Variants in DSCAML1 observed in about 807,000 individuals in gnomAD.
The protein encoded by DSCAML1 is DS cell adhesion molecule like 1.
Under a neutral mutation model 200.5 loss-of-function variants are expected in DSCAML1, and 38 were observed. The ratio of observed to expected loss-of-function variants is 0.19; its 90% CI spans 0.15 to 0.25. The LOEUF (loss-of-function observed/expected upper bound fraction) is 0.25. Ranked by LOEUF, DSCAML1 falls within the 10% of genes least tolerant of loss-of-function variation. The probability of loss-of-function intolerance (pLI) is 1.00; values close to 1 mark genes in which losing one functional copy is unlikely to be tolerated. For synonymous variants in DSCAML1, 1,215 were observed against 1,165.0 expected, an observed-to-expected ratio of 1.04 and a Z score of -0.87; for missense variants, 2,223 against 2,858.8, an observed-to-expected ratio of 0.78 and a Z score of 5.07.
At position 117,794,148 on chromosome 11, in the gene DSCAML1, G is replaced by A. The variant is rs563454741; in HGVS notation, c.46+2886C>T. On this transcript the variant is annotated intron_variant, in intron 1 of 32. Transcript: ENST00000651296. ...GAGAGAAGAACCATGAGTCCCCATC[G>A]GAGAAGTTGGGGTGGGAAATGAAAA... is the stretch of plus-strand genomic sequence containing the variant. Among the ~76,000 whole-genome samples, 6 of 152,006 alleles carry A rather than the reference G, an allele frequency of 3.9e-5. No homozygotes were observed. The East Asian group carries it at 5.8e-4, about 15-fold the overall frequency.
chr11:117,589,770 G>A (rs1016136327), intron 3 of DSCAML1, among the ~76,000 whole-genome samples: 1 of 152,126 alleles, frequency 6.6e-6, no homozygotes, highest in African/African-American at 2.4e-5. Context: ...CATTCTGGAA[G>A]GTTTCTCAGT....
At position 117,437,207 on chromosome 11, in the gene DSCAML1, C is replaced by T. The variant is rs1426173881; in HGVS notation, c.4635G>A (p.Thr1545=). Residue 1545 remains threonine (T), a synonymous_variant, in exon 26 of 33, where the codon ACG becomes ACA. Coordinates refer to ENST00000651296, the MANE Select transcript of DSCAML1 (RefSeq NM_020693.4). This position sits in a 1 kb window ranked among gnomAD's most constrained non-coding sequence, Gnocchi z 5.3. ...EVFLTELREA[T]WYELRMRACN... The stretch of plus-strand genomic sequence containing the variant: ...AAGCCCTCATGCGCAGCTCGTACCA[C>T]GTGGCCTCTCGCAGTTCCGTCAGAA... 1.6e-5 allele frequency: 26 copies of T among 1,614,106 alleles called. No homozygotes were observed. The highest frequency in any genetic ancestry group is 2.0e-5 in the Non-Finnish European group (24 of 1,180,058).
chr11:117,599,887 T>G (rs1423485916), intron 3 of DSCAML1, among the ~76,000 whole-genome samples: 1 of 152,116 alleles, frequency 6.6e-6, no homozygotes, highest in Non-Finnish European at 1.5e-5. Context: ...ACTCCAGGAG[T>G]GCACTGGGTA....
At chr11:117,500,693 A>G (rs959583096) in intron 11 of DSCAML1, among the ~76,000 whole-genome samples, 2 of 152,220 alleles carry the variant, frequency 1.3e-5, no homozygotes, top group East Asian at 1.9e-4. Flanking sequence ...CTCAGGGAGC[A>G]CCATTAAGTG....
At position 117,691,183 on chromosome 11, in the gene DSCAML1, C is replaced by T. The variant is rs573361580; in HGVS notation, c.511+85608G>A. Among the ~76,000 whole-genome samples the T allele has an allele frequency of 3.3e-4, 50 of 152,270 alleles. No individual in the cohort carries two copies. The South Asian group carries it at 9.7e-3, about 30-fold the overall frequency. On this transcript the variant is annotated intron_variant, in intron 3 of 32. Transcript: ENST00000651296. ...CTAAAGTGACCAGTGCCAAGGATGA[C>T]GTGTTACGTGAGGAAGCAGGTGGGC...
intron 3 of DSCAML1, among the ~76,000 whole-genome samples, chr11:117,669,650 A>G (rs565511413): frequency 2.2e-4 from 33 of 152,372 alleles, no homozygotes; most frequent in African/African-American, 7.2e-4. Context: ...GAAGAAAGTG[A>G]GATGGACAAG....
At chr11:117,493,988 A>G (rs1347563105) in intron 11 of DSCAML1, among the ~76,000 whole-genome samples, 1 of 152,214 alleles carries the variant, frequency 6.6e-6, no homozygotes, top group Admixed American at 6.5e-5. Flanking sequence ...GCTAACATTT[A>G]TTGAAAGCTT....
At chr11:117,638,930 C>T (rs1264330462) in intron 3 of DSCAML1, among the ~76,000 whole-genome samples, 8 of 152,122 alleles carry the variant, frequency 5.3e-5, no homozygotes. Context: ...TCTGTTTAAC[C>T]TTTTGAGGAA....
Position 117,780,529 on chromosome 11 carries a change from C to T in DSCAML1, c.328G>A (p.Gly110Ser). Residue 110 changes from glycine (G) to serine (S), a missense_variant, in exon 2 of 33, where the codon GGC (glycine) becomes AGC (serine). Physicochemically the swap from Gly to Ser is moderately conservative, Grantham distance 56. Around this residue, in one of 7 missense-constraint regions of DSCAML1, gnomAD observed 579 missense variants for 721.5 expected, o/e 0.80. Coordinates refer to ENST00000651296, the MANE Select transcript of DSCAML1 (RefSeq NM_020693.4). The surrounding 1 kb of genome is among the most constrained non-coding windows in gnomAD (Gnocchi z 4.8). ...DYFCTAENAA[G>S]KIRSPNIRVK... The stretch of plus-strand genomic sequence containing the variant: ...CGGATGTTGGGGCTCCGGATCTTGC[C>T]GGCAGCGTTCTCCGCGGTGCAGAAG... 1.4e-6 allele frequency: 2 copies of T among 1,462,382 alleles called. No individual in the cohort carries two copies. The highest frequency in any genetic ancestry group is 9.1e-7 in the Non-Finnish European group (1 of 1,100,952). 90.6% of individuals were successfully genotyped at this position (1,462,382 alleles called of 1,614,324 possible).
At chr11:117,652,652 C>G (rs2052658511) in intron 3 of DSCAML1, among the ~76,000 whole-genome samples, 1 of 152,226 alleles carries the variant, frequency 6.6e-6, no homozygotes, top group African/African-American at 2.4e-5. Context: ...TTCAAAATGC[C>G]TCAAGATTCT....
intron 1 of DSCAML1, among the ~76,000 whole-genome samples, chr11:117,788,361 C>G (rs1434676208): frequency 1.3e-5 from 2 of 152,206 alleles, no homozygotes; most frequent in Admixed American, 6.5e-5. Flanking sequence ...GAGTCTGGCT[C>G]TGTCACCCAG....
intron 3 of DSCAML1, among the ~76,000 whole-genome samples, chr11:117,630,313 C>T (rs1055241298): frequency 5.9e-5 from 9 of 152,170 alleles, no homozygotes; most frequent in African/African-American, 1.7e-4. Context: ...GTCGAATGCA[C>T]GTCACATGCC....
At chr11:117,625,995 G>C (rs1052290901) in intron 3 of DSCAML1, among the ~76,000 whole-genome samples, 2 of 152,238 alleles carry the variant, frequency 1.3e-5, no homozygotes, top group African/African-American at 4.8e-5. Context: ...CGGTGGAGGA[G>C]GCATTTGTCT....
intron 3 of DSCAML1, among the ~76,000 whole-genome samples, chr11:117,563,661 A>T (rs944953970): frequency 5.3e-5 from 8 of 152,306 alleles, no homozygotes; most frequent in African/African-American, 1.9e-4. Context: ...ATGTAAAAGC[A>T]TTCAGTGTTG....
chr11:117,548,418 A>G (rs957304675), intron 3 of DSCAML1, among the ~76,000 whole-genome samples: 2 of 152,190 alleles, frequency 1.3e-5, no homozygotes, highest in African/African-American at 2.4e-5. Flanking sequence ...TCCTTCCCAT[A>G]GGGGTACACC....
At position 117,780,199 on chromosome 11, in the gene DSCAML1, GAGAAAGAA is replaced by G. The variant is rs140373477; in HGVS notation, c.364+286_364+293del. Among the ~76,000 whole-genome samples the G allele has an allele frequency of 7.3e-3, 378 of 51,558 alleles. 6 individuals are homozygous for G. The highest frequency in any genetic ancestry group is 0.025 in the African/African-American group (363 of 14,434). The allele number at this position is 51,558 out of a possible 152,430, so 33.8% of individuals were successfully genotyped here. A position where few individuals can be genotyped will look rare whatever the true frequency, so the allele number is the denominator to read the frequency against. ...AAAAAGAAAAAAAGAAAGAAAGAAA[GAGAAAGAA>G]AGAGAGAGAGAGAAAGAAAGAAAGG... On this transcript the variant is annotated intron_variant, in intron 2 of 32. Coordinates refer to ENST00000651296, the MANE Select transcript of DSCAML1 (RefSeq NM_020693.4). The surrounding 1 kb of genome is among the most constrained non-coding windows in gnomAD (Gnocchi z 4.8).
chr11:117,576,275 G>T (rs538913412), intron 3 of DSCAML1, among the ~76,000 whole-genome samples: 1 of 152,288 alleles, frequency 6.6e-6, no homozygotes, highest in South Asian at 2.1e-4. Flanking sequence ...CCATGTGGAT[G>T]GATGAGGGGG....
At position 117,517,058 on chromosome 11, in the gene DSCAML1, A is replaced by C. The variant is rs551073796; in HGVS notation, c.1511-319T>G. ...GATAGGACCAAACTGCAGCCCCACC[A>C]AGAAGTGACTGGGATTTGGGAGGGC... On this transcript the variant is annotated intron_variant, in intron 7 of 32. Coordinates refer to ENST00000651296, the MANE Select transcript of DSCAML1 (RefSeq NM_020693.4). 3.3e-5 allele frequency among the ~76,000 whole-genome samples: 5 copies of C among 152,294 alleles called. No homozygotes were observed. The East Asian group carries it at 9.6e-4, about 29-fold the overall frequency.
At chr11:117,576,316 C>T (rs505824) in intron 3 of DSCAML1, among the ~76,000 whole-genome samples, 30,690 of 152,016 alleles carry the variant, frequency 0.2, 3,513 homozygotes, top group South Asian at 0.44. Flanking sequence ...AGAGCAACTC[C>T]CCTTCCCAGA....
Sources: gnomAD v4.1 joint callset for allele counts (sites outside exome capture counted in the v4.1 genomes callset) on GRCh38, gnomAD v4.1.1 for gene constraint, gnomAD v4.1.1 regional missense constraint, Gnocchi (gnomAD v3.1) non-coding constraint, MANE v1.5 for transcripts, NCBI Gene and HGNC (gene_info 2026-07-23, HGNC 2026-07-21) for gene names.